The following DCDC1 variants were observed in gnomAD, a reference collection of about 807,000 sequenced individuals.
DCDC1 encodes the protein doublecortin domain containing 1.
In DCDC1, 200 loss-of-function variants were observed where a neutral mutation model predicts 178.3. That is an observed-to-expected ratio of 1.12 (90% CI 1.00 to 1.26). The LOEUF (loss-of-function observed/expected upper bound fraction) is 1.26. DCDC1 is among the 50% of genes most tolerant of loss of function. DCDC1 has a pLI of 0.00. For missense variants in DCDC1, 1,983 were observed against 1,749.2 expected (o/e 1.13, Z -2.38); for synonymous variants, 690 against 604.8 (o/e 1.14, Z -2.07).
At chr11:31,028,721 T>C (rs1478402546) in intron 20 of DCDC1, among the ~76,000 whole-genome samples, 2 of 151,998 alleles carry the variant, frequency 1.3e-5, no homozygotes. Context: ...CCCCATAAAG[T>C]TGAATTTCTT....
At chr11:31,010,072 C>T (rs968655269) in intron 20 of DCDC1, among the ~76,000 whole-genome samples, 1 of 152,196 alleles carries the variant, frequency 6.6e-6, no homozygotes, top group African/African-American at 2.4e-5. Context: ...TTGGGAGGGA[C>T]ACAGCCAACC....
At chr11:31,181,096 C>T (rs923705448) in intron 9 of DCDC1, among the ~76,000 whole-genome samples, 4 of 152,084 alleles carry the variant, frequency 2.6e-5, no homozygotes, top group African/African-American at 7.2e-5. Flanking sequence ...ACAAAGCCGC[C>T]GGTAAGTTAA....
At chr11:30,978,905 T>C (rs1300178662) in intron 20 of DCDC1, among the ~76,000 whole-genome samples, 1 of 152,022 alleles carries the variant, frequency 6.6e-6, no homozygotes, top group African/African-American at 2.4e-5. Flanking sequence ...CATATATGGA[T>C]AAGAATATGC....
Position 31,328,756 on chromosome 11 carries a change from C to A in DCDC1, c.-6-470G>T, listed in dbSNP as rs553706702. On this transcript the variant is annotated intron_variant, in intron 2 of 38. Transcript: ENST00000684477. ...AACCCGGGAGGTGGAGCTTGCAGTG[C>A]GGTGAGATCGCGCCACTGCACTCCA... 2.6e-4 allele frequency among the ~76,000 whole-genome samples: 38 copies of A among 143,478 alleles called. 1 individual carries two copies. The highest frequency in any genetic ancestry group is 9.6e-4 in the African/African-American group (37 of 38,394). 94.1% of individuals were successfully genotyped at this position (143,478 alleles called of 152,430 possible). A position where few individuals can be genotyped will look rare whatever the true frequency, so the allele number is the denominator to read the frequency against.
At chr11:30,880,528 C>T (rs191101784) in intron 37 of DCDC1, among the ~76,000 whole-genome samples, 3 of 152,098 alleles carry the variant, frequency 2.0e-5, no homozygotes, top group Admixed American at 2.0e-4. Flanking sequence ...AATTCATTAC[C>T]TAATCTTTTA....
At chr11:30,935,392 T>C (rs1372147967) in intron 21 of DCDC1, among the ~76,000 whole-genome samples, 2 of 152,206 alleles carry the variant, frequency 1.3e-5, no homozygotes, top group Non-Finnish European at 2.9e-5. Flanking sequence ...TCAAATCTTA[T>C]AGTCTGGGAT....
At chr11:31,270,823 C>T (rs1945497595) in intron 7 of DCDC1, among the ~76,000 whole-genome samples, 1 of 152,200 alleles carries the variant, frequency 6.6e-6, no homozygotes, top group Admixed American at 6.5e-5. Context: ...CATTCTTCCT[C>T]AATCTTAGAT....
At chr11:31,222,896 C>T (rs142191238) in intron 9 of DCDC1, among the ~76,000 whole-genome samples, 12 of 152,142 alleles carry the variant, frequency 7.9e-5, no homozygotes, top group East Asian at 3.9e-4. Context: ...ATATAAATTT[C>T]GGGAAGACAT....
In DCDC1 at chr11:30,908,942, T is replaced by A. The variant is rs1387191212; in HGVS notation, c.3918+4A>T. ...TTTATCTTTGAGAGGAAGGAACCAC[T>A]TACTGGTTGATCAATGTTTTCTTCT... On this transcript the variant is annotated splice_donor_region_variant and intron_variant, in intron 29 of 38. Coordinates refer to ENST00000684477, the MANE Select transcript of DCDC1 (RefSeq NM_001387274.1). The A allele has an allele frequency of 6.3e-7, 1 of 1,592,836 alleles. No individual in the cohort carries two copies. Among genetic ancestry groups the A allele is most frequent in the Non-Finnish European group, 8.6e-7 (1 of 1,168,214 alleles).
chr11:31,264,417 G>A (rs1034188656), intron 8 of DCDC1, among the ~76,000 whole-genome samples: 2 of 152,094 alleles, frequency 1.3e-5, no homozygotes, highest in African/African-American at 4.8e-5. Flanking sequence ...TGACATAGAC[G>A]AGACAGTAAA....
rs1256495147 is a variant in DCDC1, at chr11:31,344,021, T to C, written c.-124-8457A>G. 2.0e-5 allele frequency among the ~76,000 whole-genome samples: 3 copies of C among 152,228 alleles called. No homozygotes were observed. The East Asian group carries it at 5.8e-4, about 29-fold the overall frequency. On this transcript the variant is annotated intron_variant, in intron 1 of 38. Transcript: ENST00000684477. ...GTGTGAAATCATTACCATTATTAAA[T>C]GAAATATTTCTTCTGTAATGTATCT...
At chr11:31,279,287 T>C (rs1946240842) in intron 7 of DCDC1, among the ~76,000 whole-genome samples, 1 of 151,846 alleles carries the variant, frequency 6.6e-6, no homozygotes, top group Non-Finnish European at 1.5e-5. Context: ...TTTAATCCTT[T>C]TAAGTTGGCA....
chr11:30,915,826 T>A, intron 26 of DCDC1, 115 bp from the exon 27 acceptor site: 1 of 984,648 alleles, frequency 1.0e-6, no homozygotes, highest in Non-Finnish European at 1.5e-6. Context: ...TGAAACACGT[T>A]AACTTGAAAT....
intron 8 of DCDC1, among the ~76,000 whole-genome samples, chr11:31,250,947 G>T (rs187522238): frequency 1.3e-5 from 2 of 152,128 alleles, no homozygotes; most frequent in East Asian, 3.9e-4. Flanking sequence ...CAGACATGGG[G>T]TTTCACCATG....
chr11:31,075,493 T>A (rs935626881), intron 18 of DCDC1, among the ~76,000 whole-genome samples: 3 of 152,340 alleles, frequency 2.0e-5, no homozygotes, highest in Non-Finnish European at 1.5e-5. Context: ...GGTTGCACTA[T>A]AATAATTTAC....
chr11:31,008,500 A>T (rs1292229020), intron 20 of DCDC1, among the ~76,000 whole-genome samples: 1 of 152,208 alleles, frequency 6.6e-6, no homozygotes. Flanking sequence ...TGCTGAGCCC[A>T]GGTTTCAGAG....
At chr11:30,974,229 A>G (rs1949978796) in intron 20 of DCDC1, among the ~76,000 whole-genome samples, 1 of 151,994 alleles carries the variant, frequency 6.6e-6, no homozygotes, top group Admixed American at 6.6e-5. Flanking sequence ...GGATACAGTA[A>G]AAGCAGTGCT....
chr11:31,165,357 G>T (rs556543082), intron 9 of DCDC1, among the ~76,000 whole-genome samples: 6 of 152,056 alleles, frequency 3.9e-5, no homozygotes, highest in South Asian at 2.1e-4. Flanking sequence ...AAGAGACAGG[G>T]TCTTGCTCTG....
At chr11:31,153,817 C>CA (rs1555088088) in intron 9 of DCDC1, among the ~76,000 whole-genome samples, 2 of 149,990 alleles carry the variant, frequency 1.3e-5, no homozygotes, top group African/African-American at 4.9e-5. Flanking sequence ...CACACACACA[C>CA]AATTACCATA....
Sources: gnomAD v4.1 joint callset for allele counts (sites outside exome capture counted in the v4.1 genomes callset) on GRCh38, gnomAD v4.1.1 for gene constraint, MANE v1.5 for transcripts, NCBI Gene and HGNC (gene_info 2026-07-23, HGNC 2026-07-21) for gene names.